Variants in MAGEC3 observed in about 807,000 individuals in gnomAD.
MAGEC3 encodes the protein melanoma-associated antigen C3.
In MAGEC3, 34 loss-of-function variants were observed where a neutral mutation model predicts 35.3. The observed-to-expected ratio is 0.96, with a 90% CI of 0.73 to 1.28. MAGEC3 has a LOEUF of 1.28. MAGEC3 is among the 50% of genes most tolerant of loss of function. MAGEC3 has a pLI of 0.00. For missense variants in MAGEC3, 561 were observed against 483.6 expected, an observed-to-expected ratio of 1.16 and a Z score of -1.50; for synonymous variants, 202 against 185.6, an observed-to-expected ratio of 1.09 and a Z score of -0.72.
At chrX:141,838,494 T>A in intron 1 of MAGEC3, 56 bp downstream of exon 1, 1 of 1,178,319 alleles carries the variant, frequency 8.5e-7, no homozygotes, top group Non-Finnish European at 1.1e-6. Context: ...CCAGCTCTTC[T>A]TTTGCATCTC....
chrX:141,844,428 T>C (rs961739627), intron 1 of MAGEC3, among the ~76,000 whole-genome samples: 3 of 111,441 alleles, frequency 2.7e-5, no homozygotes, highest in Non-Finnish European at 5.7e-5. Context: ...TAATATCTTC[T>C]GTGTGCCTTT....
Position 141,879,433 on chromosome X carries a change from T to G in MAGEC3, c.515+2T>G, listed in dbSNP as rs1603071182. 10 of 1,145,576 alleles carry G rather than the reference T, an allele frequency of 8.7e-6. No homozygotes were observed. In the African/African-American group the frequency reaches 1.4e-4, roughly 16 times the overall value. 94.4% of individuals were successfully genotyped at this position (1,145,576 alleles called of 1,213,427 possible). ...GTTGTGGGGGGAGAAAGCGGGGAGG[T>G]GGGCAGGGAAATATGGACGAGGGCT... On this transcript the variant is annotated splice_donor_variant, in intron 3 of 7. Coordinates refer to ENST00000298296, the MANE Select transcript of MAGEC3 (RefSeq NM_138702.1). LOFTEE classifies it high-confidence loss of function.
At chrX:141,888,993 A>C (rs747227452) in intron 4 of MAGEC3, among the ~76,000 whole-genome samples, 1 of 112,083 alleles carries the variant, frequency 8.9e-6, no homozygotes, top group Non-Finnish European at 1.9e-5. Flanking sequence ...CCATCTGTGG[A>C]CTCACAGAAT....
chrX:141,860,639 C>G (rs1300546671), intron 1 of MAGEC3, among the ~76,000 whole-genome samples: 2 of 112,214 alleles, frequency 1.8e-5, no homozygotes, highest in Non-Finnish European at 3.8e-5. Flanking sequence ...GAAATTCTGA[C>G]ACACTACAAC....
intron 4 of MAGEC3, among the ~76,000 whole-genome samples, chrX:141,884,937 C>G (rs991971294): frequency 9.0e-6 from 1 of 111,535 alleles, no homozygotes; most frequent in Non-Finnish European, 1.9e-5. Flanking sequence ...TAGGATTGCC[C>G]TGAGTGAGAG....
intron 1 of MAGEC3, among the ~76,000 whole-genome samples, chrX:141,856,164 A>C (rs2017779123): frequency 9.0e-6 from 1 of 111,695 alleles, no homozygotes; most frequent in Non-Finnish European, 1.9e-5. Context: ...TTCATAACTT[A>C]GAAAGCGAAA....
chrX:141,868,168 G>T (rs752630699), intron 2 of MAGEC3, among the ~76,000 whole-genome samples: 9 of 111,188 alleles, frequency 8.1e-5, no homozygotes, highest in Admixed American at 2.9e-4. Context: ...ATTTGGTGAG[G>T]TAGGGGTGAG....
rs1461874253 is a variant in MAGEC3, at chrX:141,889,301, G to A, written c.910-5968G>A. Among the ~76,000 whole-genome samples, 6 of 111,458 alleles carry A rather than the reference G, an allele frequency of 5.4e-5. No individual in the cohort carries two copies. The East Asian group carries it at 1.4e-3, about 26-fold the overall frequency. ...ATTGTTTCTCCCATAGTCAGGATTC[G>A]TGAGTCCAGGAATCAAGGGGTGGAA... On this transcript the variant is annotated intron_variant, in intron 4 of 7. Coordinates refer to ENST00000298296, the MANE Select transcript of MAGEC3 (RefSeq NM_138702.1).
At chrX:141,852,456 A>C (rs1180019247) in intron 1 of MAGEC3, among the ~76,000 whole-genome samples, 1 of 110,137 alleles carries the variant, frequency 9.1e-6, no homozygotes, top group Non-Finnish European at 1.9e-5. Context: ...GCCTAATTGC[A>C]CTAGGTTATA....
At chrX:141,892,452 A>G (rs1157592758) in intron 4 of MAGEC3, among the ~76,000 whole-genome samples, 3 of 111,686 alleles carry the variant, frequency 2.7e-5, no homozygotes, top group African/African-American at 9.8e-5. Flanking sequence ...CTTATAAGGA[A>G]TGCATTTTAA....
At chrX:141,869,035 C>A (rs2017870041) in intron 2 of MAGEC3, among the ~76,000 whole-genome samples, 1 of 109,104 alleles carries the variant, frequency 9.2e-6, no homozygotes, top group Non-Finnish European at 1.9e-5. Context: ...GTGCCCGCCA[C>A]CCCACCTGGC....
intron 4 of MAGEC3, among the ~76,000 whole-genome samples, chrX:141,889,173 G>T (rs1271699114): frequency 8.9e-6 from 1 of 112,088 alleles, no homozygotes; most frequent in Non-Finnish European, 1.9e-5. Context: ...ATGGCCTTTT[G>T]AAGTCACAGT....
At chrX:141,856,570 C>A (rs373271799) in intron 1 of MAGEC3, among the ~76,000 whole-genome samples, 6 of 109,208 alleles carry the variant, frequency 5.5e-5, no homozygotes, top group Non-Finnish European at 9.6e-5. Context: ...GGTATATATC[C>A]AAAAAAAACT....
intron 2 of MAGEC3, among the ~76,000 whole-genome samples, chrX:141,867,380 G>T (rs1013964848): frequency 9.0e-6 from 1 of 111,478 alleles, no homozygotes; most frequent in Non-Finnish European, 1.9e-5. Flanking sequence ...CAGGGAGTAT[G>T]CCTGCAGCTG....
At chrX:141,846,897 C>CA (rs1234190990) in intron 1 of MAGEC3, among the ~76,000 whole-genome samples, 2 of 110,749 alleles carry the variant, frequency 1.8e-5, no homozygotes, top group Middle Eastern at 4.8e-3. Context: ...AGTTTACTTC[C>CA]ACTGGACAAA....
At position 141,897,081 on chromosome X, in the gene MAGEC3, T is replaced by A; in HGVS notation, c.1323T>A (p.Thr441=). The part of the protein sequence containing the change: ...ESSSEEEDTA[T]WHALPESESL... ...GCAGTGAAGAGGAGGATACAGCTAC[T>A]TGGCATGCCTTGCCAGAAAGTGAAT... The change falls in exon 7 of 8, where the codon ACT becomes ACA. Residue 441 remains threonine (T), a synonymous_variant. Transcript: ENST00000298296. 1 of 1,211,576 alleles carries A rather than the reference T, an allele frequency of 8.3e-7. No individual in the cohort carries two copies. Among genetic ancestry groups the A allele is most frequent in the Non-Finnish European group, 1.1e-6 (1 of 895,422 alleles).
chrX:141,841,359 AT>A (rs900424584), intron 1 of MAGEC3, among the ~76,000 whole-genome samples: 1 of 112,017 alleles, frequency 8.9e-6, no homozygotes, highest in African/African-American at 3.2e-5. Flanking sequence ...ATATTGCCGT[AT>A]TTTACATTCT....
At chrX:141,871,735 A>G (rs1376988376) in intron 2 of MAGEC3, among the ~76,000 whole-genome samples, 3 of 111,853 alleles carry the variant, frequency 2.7e-5, no homozygotes, top group Non-Finnish European at 5.6e-5. Context: ...TTTGTGACAG[A>G]TTAGACATGG....
At chrX:141,864,006 G>C (rs182486259) in intron 1 of MAGEC3, among the ~76,000 whole-genome samples, 1 of 111,690 alleles carries the variant, frequency 9.0e-6, no homozygotes, top group South Asian at 3.7e-4. Flanking sequence ...GACTACAAAG[G>C]TGAGGCATAG....
Sources: allele counts gnomAD v4.1 joint callset (sites outside exome capture counted in the v4.1 genomes callset), GRCh38; gene constraint gnomAD v4.1.1; transcripts MANE v1.5; gene names NCBI Gene and HGNC (gene_info 2026-07-23, HGNC 2026-07-21).